Variants in DUS1L observed in about 807,000 individuals in gnomAD.
DUS1L encodes the protein tRNA-dihydrouridine(16/17) synthase [NAD(P)(+)]-like.
In DUS1L, 56 loss-of-function variants were observed where a neutral mutation model predicts 61.2. The observed-to-expected ratio is 0.92, with a 90% CI of 0.74 to 1.14. DUS1L has a LOEUF of 1.14. DUS1L is among the 50% of genes most tolerant of loss of function. DUS1L has a pLI of 0.00. For synonymous variants in DUS1L, 278 were observed against 259.5 expected (o/e 1.07, Z -0.69); for missense variants, 630 against 632.4 (o/e 1.00, Z 0.04).
intron 11 of DUS1L, 30 bp from the exon 12 acceptor site, chr17:82,058,848 G>A: frequency 6.3e-7 from 1 of 1,598,650 alleles, no homozygotes; most frequent in South Asian, 1.1e-5. Flanking sequence ...GTGCTGGTGA[G>A]TGAGGGCCAG....
intron 10 of DUS1L, chr17:82,060,393 T>A (rs534487030): frequency 6.9e-6 from 4 of 578,558 alleles, no homozygotes; most frequent in Non-Finnish European, 9.2e-6. Context: ...GTCAACCTCT[T>A]GACCCACGGG....
chr17:82,059,640 G>A, intron 11 of DUS1L: 2 of 397,462 alleles, frequency 5.0e-6, no homozygotes, highest in South Asian at 4.0e-5. Flanking sequence ...GTGTGAGGCT[G>A]GGCAGGGGCA....
chr17:82,058,755 G>A (rs764534827), intron 12 of DUS1L, 26 bp downstream of exon 12: 75 of 1,613,038 alleles, frequency 4.6e-5, no homozygotes, highest in Non-Finnish European at 5.8e-5. Flanking sequence ...TGAAGCCTTG[G>A]TGGCTTGCAG....
chr17:82,062,008 ACC>A (rs767065214), intron 5 of DUS1L, 25 bp from the exon 6 acceptor site: 1 of 1,559,940 alleles, frequency 6.4e-7, no homozygotes, highest in East Asian at 2.3e-5. Context: ...TGGTCGCTTG[ACC>A]CCTCCAAGCC....
At chr17:82,061,857 C>A (rs1284844428) in intron 6 of DUS1L, 44 bp downstream of exon 6, 1 of 1,587,540 alleles carries the variant, frequency 6.3e-7, no homozygotes. Context: ...GGACCCCCAG[C>A]AAAGCCCCAA....
intron 11 of DUS1L, 35 bp downstream of exon 11, chr17:82,059,913 G>T (rs746638846): frequency 2.5e-6 from 4 of 1,612,206 alleles, no homozygotes; most frequent in South Asian, 2.2e-5. Flanking sequence ...TGATGAAGAG[G>T]CTCTCTCGGG....
Position 82,061,950 on chromosome 17 carries a change from T to C in DUS1L, c.544A>G (p.Lys182Glu). 6.2e-7 allele frequency: 1 copy of C among 1,610,744 alleles called. No individual in the cohort carries two copies. Among genetic ancestry groups the C allele is most frequent in the Non-Finnish European group, 8.5e-7 (1 of 1,178,866 alleles). ...LTVHGRTKEQ[K>E]GPLSGAASWE... is the part of the protein sequence containing the mutation. Reference sequence around the variant, plus strand: ...GACGCTGCACCCGACAGGGGCCCCTTCTGCTCCTTGGTGCGTCCGTGCACC... The same window carrying C: ...GACGCTGCACCCGACAGGGGCCCCTCCTGCTCCTTGGTGCGTCCGTGCACC... The change falls in exon 6 of 14, where the codon AAG (lysine) becomes GAG (glutamate). Residue 182 changes from lysine (K) to glutamate (E), a missense_variant. Transcript: ENST00000306796.
At chr17:82,058,305 T>C (rs776826110) in intron 13 of DUS1L, 36 bp downstream of exon 13, 2 of 1,529,322 alleles carry the variant, frequency 1.3e-6, no homozygotes, top group African/African-American at 1.4e-5. Flanking sequence ...AGGGGGTCTG[T>C]TTGCCTGCTG....
At chr17:82,061,589 C>T in intron 7 of DUS1L, 29 bp downstream of exon 7, 1 of 1,596,634 alleles carries the variant, frequency 6.3e-7, no homozygotes, top group Non-Finnish European at 8.5e-7. Flanking sequence ...GTGCATGGGG[C>T]CCTGGCTGCT....
At chr17:82,058,616 G>A in intron 12 of DUS1L, 165 bp downstream of exon 12, 1 of 1,491,742 alleles carries the variant, frequency 6.7e-7, no homozygotes, top group Non-Finnish European at 8.9e-7. Flanking sequence ...CTGGGCAGGG[G>A]CTTGGCTGGA....
At chr17:82,060,121 A>G (rs777776982) in intron 10 of DUS1L, 28 bp from the exon 11 acceptor site, 4 of 1,606,032 alleles carry the variant, frequency 2.5e-6, no homozygotes, top group Non-Finnish European at 3.4e-6. Flanking sequence ...GGCAGAGCCC[A>G]AGGACACTGT....
intron 11 of DUS1L, 147 bp from the exon 12 acceptor site, chr17:82,058,965 T>C (rs2033265372): frequency 8.2e-6 from 6 of 734,702 alleles, no homozygotes; most frequent in Non-Finnish European, 1.4e-5. Flanking sequence ...GGGCAGAGGA[T>C]GCAGGCTGGC....
intron 10 of DUS1L, chr17:82,060,424 G>T (rs780663837): frequency 8.6e-6 from 5 of 582,516 alleles, no homozygotes; most frequent in Non-Finnish European, 1.5e-5. Flanking sequence ...AGGATCAGAG[G>T]AGCTCAGAGA....
chr17:82,064,169 G>A lies in DUS1L; in HGVS notation c.303C>T (p.Ala101=). Residue 101 remains alanine, a synonymous_variant, in exon 3 of 14, where the codon GCC becomes GCT. Transcript: ENST00000306796. Reference sequence around the variant, plus strand: ...GTGGGCAGCCCAAGTTCAGGTCAATGGCGTCACAGTAATCCTGAGCCAGGA... The same window carrying A: ...GTGGGCAGCCCAAGTTCAGGTCAATAGCGTCACAGTAATCCTGAGCCAGGA... The part of the protein sequence containing the change: ...AALLAQDYCD[A]IDLNLGCPQM... 6.2e-7 allele frequency: 1 copy of A among 1,612,862 alleles called. No homozygotes were observed. The highest frequency in any genetic ancestry group is 8.5e-7 in the Non-Finnish European group (1 of 1,179,884).
intron 1 of DUS1L, 85 bp downstream of exon 1, chr17:82,065,528 C>A (rs1248365185): frequency 6.4e-6 from 1 of 156,578 alleles, no homozygotes; most frequent in African/African-American, 2.4e-5. Context: ...ACAGGGGCGC[C>A]CCTCGCGAGA....
In DUS1L at chr17:82,062,947, C is replaced by G. The variant is rs1304154123; in HGVS notation, c.424G>C (p.Val142Leu). The G allele has an allele frequency of 1.7e-5, 28 of 1,613,004 alleles. No individual in the cohort carries two copies. The highest frequency in any genetic ancestry group is 2.4e-5 in the Non-Finnish European group (28 of 1,179,938). Residue 142 changes from valine to leucine, a missense_variant, in exon 5 of 14, where the codon GTT (valine) becomes CTT (leucine). Coordinates refer to ENST00000306796, the MANE Select transcript of DUS1L (RefSeq NM_022156.5). ...MILLAHEKLSVPVTCKIRVFP... is the reference protein window; with the variant it reads ...MILLAHEKLSLPVTCKIRVFP... ...ACACGGATTTTGCACGTGACAGGAA[C>G]AGAGAGTTTCTCGTGGGCCAGCAAA...
intron 3 of DUS1L, 146 bp from the exon 4 acceptor site, chr17:82,063,664 G>T: frequency 3.3e-6 from 3 of 916,492 alleles, no homozygotes; most frequent in Non-Finnish European, 5.0e-6. Context: ...AACCAGCAGT[G>T]TCTCCAGTTG....
At chr17:82,062,264 G>A (rs1020327838) in intron 5 of DUS1L, among the ~76,000 whole-genome samples, 8 of 152,204 alleles carry the variant, frequency 5.3e-5, no homozygotes, top group Admixed American at 1.3e-4. Context: ...GAGCCAGGCC[G>A]GGAAGTGGCA....
In DUS1L at chr17:82,064,250, G is replaced by A. The variant is rs987662953; in HGVS notation, c.238-16C>T. 2.5e-6 allele frequency: 4 copies of A among 1,606,730 alleles called. No individual in the cohort carries two copies. The highest frequency in any genetic ancestry group is 3.4e-6 in the Non-Finnish European group (4 of 1,178,012). On this transcript the variant is annotated splice_polypyrimidine_tract_variant and intron_variant, in intron 2 of 13. Transcript: ENST00000306796. ...TGGCACAGAACTGGAGAAGATGCAG[G>A]AGTCAGCCACGGGCCCAGCCAGGCC...
Sources: gnomAD v4.1 joint callset for allele counts (sites outside exome capture counted in the v4.1 genomes callset) on GRCh38, gnomAD v4.1.1 for gene constraint, MANE v1.5 for transcripts, NCBI Gene and HGNC (gene_info 2026-07-23, HGNC 2026-07-21) for gene names.